The following KCND3 variants were observed in gnomAD, a reference collection of about 807,000 sequenced individuals.
KCND3 encodes potassium voltage-gated channel subfamily D member 3.
A neutral mutation model predicts 51.1 loss-of-function variants in KCND3; 9 were observed. That is an observed-to-expected ratio of 0.18 (90% CI 0.11 to 0.31). The LOEUF is 0.31. KCND3 is among the 10% of genes least tolerant of loss of function. KCND3 has a pLI of 1.00. For synonymous variants in KCND3, 349 were observed against 368.0 expected (o/e 0.95, Z 0.59); for missense variants, 526 against 903.8 (o/e 0.58, Z 5.36).
intron 2 of KCND3, among the ~76,000 whole-genome samples, chr1:111,828,971 G>C (rs6676955): frequency 0.55 from 84,288 of 152,016 alleles, 25,302 homozygotes; most frequent in Non-Finnish European, 0.67. Flanking sequence ...GCCTTTCTCA[G>C]TAAACCCATC....
intron 5 of KCND3, among the ~76,000 whole-genome samples, chr1:111,779,609 C>T (rs1664283648): frequency 6.6e-6 from 1 of 151,934 alleles, no homozygotes; most frequent in Non-Finnish European, 1.5e-5. Flanking sequence ...CATCATTCCA[C>T]ACTCCAGCTG....
intron 2 of KCND3, among the ~76,000 whole-genome samples, chr1:111,879,299 C>T (rs1042515491): frequency 6.6e-5 from 10 of 152,086 alleles, no homozygotes; most frequent in African/African-American, 2.4e-4. Context: ...TTGGTAGGGA[C>T]CTGGCTTGGA....
intron 5 of KCND3, 26 bp from the exon 6 acceptor site, chr1:111,778,518 A>C: frequency 6.2e-7 from 1 of 1,607,032 alleles, no homozygotes; most frequent in Non-Finnish European, 8.5e-7. Context: ...CCAACAGAAG[A>C]TAAAAACACC....
intron 2 of KCND3, among the ~76,000 whole-genome samples, chr1:111,800,959 A>T (rs1398743703): frequency 6.6e-6 from 1 of 152,250 alleles, no homozygotes; most frequent in Non-Finnish European, 1.5e-5. Context: ...GTCAGGGTTC[A>T]CAAGAAAGAG....
At position 111,796,220 on chromosome 1, in the gene KCND3, C is replaced by T. The variant is rs531114675; in HGVS notation, c.1107-9114G>A. 9.9e-5 allele frequency among the ~76,000 whole-genome samples: 15 copies of T among 152,218 alleles called. No homozygotes were observed. The South Asian group carries it at 2.7e-3, about 27-fold the overall frequency. ...GATCCCATTTGTCAATTTTTGCTTTCGTTGCAATTACTTTCGGCATCTTTG... is the reference window on the plus strand; with the variant it reads ...GATCCCATTTGTCAATTTTTGCTTTTGTTGCAATTACTTTCGGCATCTTTG... On this transcript the variant is annotated intron_variant, in intron 2 of 7. Coordinates refer to ENST00000302127, the MANE Select transcript of KCND3 (RefSeq NM_001378969.1).
intron 2 of KCND3, among the ~76,000 whole-genome samples, chr1:111,825,691 TTC>T (rs1275431991): frequency 1.3e-5 from 2 of 152,256 alleles, no homozygotes; most frequent in Non-Finnish European, 2.9e-5. Flanking sequence ...GTATTTTGTT[TTC>T]TTCTAGTCTT....
At chr1:111,863,863 G>C (rs998778190) in intron 2 of KCND3, among the ~76,000 whole-genome samples, 2 of 152,170 alleles carry the variant, frequency 1.3e-5, no homozygotes, top group African/African-American at 4.8e-5. Flanking sequence ...GAAATGATGA[G>C]GGGGGTTAAC....
At chr1:111,953,647 T>C (rs1673169389) in intron 2 of KCND3, among the ~76,000 whole-genome samples, 1 of 152,224 alleles carries the variant, frequency 6.6e-6, no homozygotes, top group African/African-American at 2.4e-5. Context: ...AGGAGCTGTG[T>C]AGGCTTCCTC....
Position 111,780,881 on chromosome 1 carries a change from G to T in KCND3, c.1270-90C>A. 1.9e-6 allele frequency: 2 copies of T among 1,044,986 alleles called. No individual in the cohort carries two copies. The highest frequency in any genetic ancestry group is 2.9e-6 in the Non-Finnish European group (2 of 691,410). The allele number at this position is 1,044,986 out of a possible 1,614,324, so 64.7% of individuals were successfully genotyped here. A position where few individuals can be genotyped will look rare whatever the true frequency, so the allele number is the denominator to read the frequency against. ...TGAAGCTGTGAGGCTGGCTTCCCAG[G>T]TGACACCTGATGAAGGGGATGAGGC... On this transcript the variant is annotated intron_variant, in intron 3 of 7. Coordinates refer to ENST00000302127, the MANE Select transcript of KCND3 (RefSeq NM_001378969.1). This position sits in a 1 kb window ranked among gnomAD's most constrained non-coding sequence, Gnocchi z 4.2.
At chr1:111,919,949 C>T (rs930631634) in intron 2 of KCND3, among the ~76,000 whole-genome samples, 1 of 152,234 alleles carries the variant, frequency 6.6e-6, no homozygotes, top group African/African-American at 2.4e-5. Context: ...GGGAATGTTT[C>T]AAGGTTCTCA....
chr1:111,837,971 C>T (rs1437134507), intron 2 of KCND3, among the ~76,000 whole-genome samples: 1 of 152,116 alleles, frequency 6.6e-6, no homozygotes, highest in Admixed American at 6.5e-5. Flanking sequence ...AGGTGCCGTT[C>T]TCATCATGTC....
At chr1:111,811,514 G>A (rs1042247004) in intron 2 of KCND3, among the ~76,000 whole-genome samples, 1 of 152,134 alleles carries the variant, frequency 6.6e-6, no homozygotes, top group African/African-American at 2.4e-5. Context: ...CTCAGCTGTG[G>A]GGACTGGCTA....
At chr1:111,987,199 C>G (rs1332521077) in intron 1 of KCND3, among the ~76,000 whole-genome samples, 1 of 152,244 alleles carries the variant, frequency 6.6e-6, no homozygotes, top group East Asian at 1.9e-4. Context: ...CTGCCCCTGC[C>G]AAGCTGAGTC....
intron 2 of KCND3, among the ~76,000 whole-genome samples, chr1:111,788,715 G>A (rs2101501230): frequency 6.6e-6 from 1 of 152,308 alleles, no homozygotes; most frequent in East Asian, 1.9e-4. Flanking sequence ...GGCCTCCAGG[G>A]AAGTGGTTGA....
intron 2 of KCND3, among the ~76,000 whole-genome samples, chr1:111,811,731 T>TA (rs983115111): frequency 2.6e-5 from 4 of 152,218 alleles, no homozygotes; most frequent in African/African-American, 7.2e-5. Flanking sequence ...TCATTATTTT[T>TA]AAAAAATCAA....
intron 2 of KCND3, among the ~76,000 whole-genome samples, chr1:111,916,075 G>A (rs1045066823): frequency 6.6e-6 from 1 of 152,070 alleles, no homozygotes; most frequent in Admixed American, 6.5e-5. Context: ...CAACCTCCTC[G>A]ATCTAACTGA....
At chr1:111,951,157 C>CAAAAAAA (rs71081206) in intron 2 of KCND3, among the ~76,000 whole-genome samples, 9 of 30,638 alleles carry the variant, frequency 2.9e-4, no homozygotes, top group African/African-American at 5.1e-4. Flanking sequence ...CAAACAAGAG[C>CAAAAAAA]AAAAAAAAAA....
At chr1:111,900,105 A>G (rs116490363) in intron 2 of KCND3, among the ~76,000 whole-genome samples, 43 of 152,202 alleles carry the variant, frequency 2.8e-4, no homozygotes, top group African/African-American at 1.0e-3. Flanking sequence ...TATCTTAGCC[A>G]TTACATATAT....
intron 2 of KCND3, among the ~76,000 whole-genome samples, chr1:111,860,044 T>C (rs1336939868): frequency 2.6e-5 from 4 of 152,208 alleles, no homozygotes; most frequent in Non-Finnish European, 5.9e-5. Context: ...CATAACTTCA[T>C]TGGTGCTATT....
Sources: gnomAD v4.1 joint callset for allele counts (sites outside exome capture counted in the v4.1 genomes callset) on GRCh38, gnomAD v4.1.1 for gene constraint, Gnocchi (gnomAD v3.1) non-coding constraint, MANE v1.5 for transcripts, NCBI Gene and HGNC (gene_info 2026-07-23, HGNC 2026-07-21) for gene names.